The following ATP2C2 variants were observed in gnomAD, a reference collection of about 807,000 sequenced individuals.
The protein encoded by ATP2C2 is ATPase secretory pathway Ca2+ transporting 2, also known as calcium-transporting ATPase type 2C member 2.
A neutral mutation model predicts 110.8 loss-of-function variants in ATP2C2; 171 were observed. The ratio of observed to expected loss-of-function variants is 1.54; its 90% CI spans 1.36 to 1.75. The LOEUF is 1.75. Ranked by LOEUF, ATP2C2 falls within the 40% of genes most tolerant of loss-of-function variation. ATP2C2 has a pLI of 0.00. For missense variants in ATP2C2, 1,963 were observed against 1,235.0 expected (o/e 1.59, Z -8.84); for synonymous variants, 804 against 508.4 (o/e 1.58, Z -7.82).
At chr16:84,411,847 G>A (rs1041058745) in intron 6 of ATP2C2, among the ~76,000 whole-genome samples, 2 of 152,220 alleles carry the variant, frequency 1.3e-5, no homozygotes, top group Admixed American at 6.5e-5. Context: ...ATCTGCGGGG[G>A]CCCTTCTAGG....
chr16:84,418,659 G>A (rs1001839719), intron 7 of ATP2C2, among the ~76,000 whole-genome samples: 5 of 152,172 alleles, frequency 3.3e-5, no homozygotes, highest in Admixed American at 2.0e-4. Flanking sequence ...GGCAGTGGGC[G>A]GTGGAGGGGG....
At chr16:84,406,348 G>T (rs1216388755) in intron 3 of ATP2C2, among the ~76,000 whole-genome samples, 1 of 152,240 alleles carries the variant, frequency 6.6e-6, no homozygotes, top group Non-Finnish European at 1.5e-5. Flanking sequence ...TTTTCCAGGT[G>T]CCTGAGGGCA....
intron 6 of ATP2C2, among the ~76,000 whole-genome samples, chr16:84,413,234 G>T (rs1417857698): frequency 6.6e-6 from 1 of 152,150 alleles, no homozygotes; most frequent in Non-Finnish European, 1.5e-5. Context: ...ATAATTTTCA[G>T]GGAGAGCTTT....
At chr16:84,434,904 T>C (rs1157226056) in intron 11 of ATP2C2, among the ~76,000 whole-genome samples, 2 of 152,368 alleles carry the variant, frequency 1.3e-5, no homozygotes, top group East Asian at 1.9e-4. Flanking sequence ...CCCTGCCATA[T>C]GGGATGAAAG....
chr16:84,463,203 GAA>G (rs1229335587), intron 26 of ATP2C2, among the ~76,000 whole-genome samples: 1 of 17,382 alleles, frequency 5.8e-5, no homozygotes, highest in Non-Finnish European at 1.1e-4. Context: ...TCATCCCAGG[GAA>G]CATGTCGCTG....
intron 2 of ATP2C2, chr16:84,404,809 CTTTT>C (rs35653774): frequency 8.6e-4 from 237 of 274,640 alleles, no homozygotes; most frequent in Middle Eastern, 1.3e-3. Flanking sequence ...TTCCCAAGAC[CTTTT>C]TTTTTTTTTT....
rs531288452 is a variant in ATP2C2, at chr16:84,396,416, G to A, written c.100-2083G>A. Among the ~76,000 whole-genome samples the A allele has an allele frequency of 6.2e-4, 94 of 151,698 alleles. No individual in the cohort carries two copies. In the South Asian group the frequency reaches 8.6e-3, roughly 14 times the overall value. ...CAAAAACAAATTAGTGAGGCGTGGC[G>A]GTGCGTGCCTGTAGTCCCAGCTACT... On this transcript the variant is annotated intron_variant, in intron 1 of 26. Coordinates refer to ENST00000262429, the MANE Select transcript of ATP2C2 (RefSeq NM_014861.4).
intron 26 of ATP2C2, 71 bp downstream of exon 26, chr16:84,462,200 G>C: frequency 1.3e-6 from 2 of 1,562,806 alleles, no homozygotes; most frequent in South Asian, 2.4e-5. Flanking sequence ...GCCAGGTGGG[G>C]AGCTGCAGCC....
At chr16:84,429,524 G>T (rs8055364) in intron 11 of ATP2C2, among the ~76,000 whole-genome samples, 14,872 of 152,140 alleles carry the variant, frequency 0.098, 931 homozygotes, top group East Asian at 0.35. Context: ...TGATCTGTTC[G>T]TATCACTTTC....
chr16:84,370,535 A>T (rs1909892459), intron 1 of ATP2C2, among the ~76,000 whole-genome samples: 1 of 152,128 alleles, frequency 6.6e-6, no homozygotes, highest in African/African-American at 2.4e-5. Context: ...CGAGGCACTC[A>T]CTTCCTGCCA....
chr16:84,378,995 A>G (rs1255670890), intron 1 of ATP2C2, among the ~76,000 whole-genome samples: 2 of 151,704 alleles, frequency 1.3e-5, no homozygotes, highest in Non-Finnish European at 2.9e-5. Context: ...TTCAGGGTGC[A>G]GGGTACACAT....
In ATP2C2 at chr16:84,369,475, G is replaced by A. The variant is rs534019794; in HGVS notation, c.99+761G>A. Among the ~76,000 whole-genome samples, 105 of 151,740 alleles carry A rather than the reference G, an allele frequency of 6.9e-4. 1 individual carries two copies. Among genetic ancestry groups the A allele is most frequent in the Admixed American group, 6.7e-3 (102 of 15,232 alleles). On this transcript the variant is annotated intron_variant, in intron 1 of 26. Transcript: ENST00000262429. ...GGGGGCACTGAATTTCTGCAGAAGCGTTTCTCTGCACGCCAGAGGGTCGTT... is the reference window on the plus strand; with the variant it reads ...GGGGGCACTGAATTTCTGCAGAAGCATTTCTCTGCACGCCAGAGGGTCGTT...
chr16:84,398,051 G>A (rs1905098743), intron 1 of ATP2C2, among the ~76,000 whole-genome samples: 1 of 151,704 alleles, frequency 6.6e-6, no homozygotes, highest in South Asian at 2.1e-4. Context: ...TGGTTATAAG[G>A]GTTAGTTTGT....
intron 6 of ATP2C2, 106 bp from the exon 7 acceptor site, chr16:84,415,377 A>T (rs1906738527): frequency 3.2e-6 from 3 of 932,688 alleles, no homozygotes; most frequent in Non-Finnish European, 5.3e-6. Context: ...GTTGGTGTAT[A>T]TTAAAAGAGA....
Position 84,439,169 on chromosome 16 carries a change from G to C in ATP2C2, c.990G>C (p.Leu330=). 1.2e-6 allele frequency: 2 copies of C among 1,612,214 alleles called. No homozygotes were observed. The highest frequency in any genetic ancestry group is 1.1e-5 in the South Asian group (1 of 90,978). The change falls in exon 12 of 27, where the codon CTG becomes CTC. Residue 330 remains leucine (L), a synonymous_variant. Transcript: ENST00000262429. ...CTCATTTGACCTTTCGATCCAGCCT[G>C]GCTGTGGCGGCCATTCCAGAGGGTC... ...LLSMFTIGVS[L]AVAAIPEGLP...
chr16:84,459,351 G>T lies in ATP2C2; in HGVS notation c.2298G>T (p.Trp766Cys), dbSNP rs1460395250. 1.7e-5 allele frequency: 28 copies of T among 1,614,068 alleles called. No individual in the cohort carries two copies. Among genetic ancestry groups the T allele is most frequent in the Non-Finnish European group, 2.4e-5 (28 of 1,180,032 alleles). ...PSPLNAMQIL[W>C]INIIMDGPPA... The stretch of plus-strand genomic sequence containing the variant: ...CCCTCAACGCCATGCAGATCCTATG[G>T]ATCAACATCATCATGGATGGGCCAC... Residue 766 changes from tryptophan to cysteine, a missense_variant, in exon 23 of 27, where the codon TGG (tryptophan) becomes TGT (cysteine). Physicochemically the swap from Trp to Cys is radical, Grantham distance 215 (BLOSUM62 -2). Transcript: ENST00000262429.
rs1014460545 is a variant in ATP2C2 at position 84,463,865 on chromosome 16, G to C, written c.*133G>C. On this transcript the variant is annotated 3_prime_UTR_variant, in exon 27 of 27. Transcript: ENST00000262429. ...ATCACCGGATCAGTTTTTCCTCTTA[G>C]GAAAGCTGCAGGAACCTCGTGGGCT... 1 of 828,064 alleles carries C rather than the reference G, an allele frequency of 1.2e-6. No individual in the cohort carries two copies. The highest frequency in any genetic ancestry group is 1.9e-6 in the Non-Finnish European group (1 of 517,398). 51.3% of individuals were successfully genotyped at this position (828,064 alleles called of 1,614,324 possible). A position where few individuals can be genotyped will look rare whatever the true frequency, so the allele number is the denominator to read the frequency against.
At chr16:84,420,360 T>C (rs1907216963) in intron 7 of ATP2C2, among the ~76,000 whole-genome samples, 1 of 151,982 alleles carries the variant, frequency 6.6e-6, no homozygotes, top group Non-Finnish European at 1.5e-5. Flanking sequence ...AAACCCACAC[T>C]CACTCCCCAC....
chr16:84,385,358 C>T (rs1415385795), intron 1 of ATP2C2, among the ~76,000 whole-genome samples: 1 of 152,152 alleles, frequency 6.6e-6, no homozygotes, highest in Admixed American at 6.5e-5. Context: ...GATATCCTTC[C>T]CCATGATGCA....
Sources: gnomAD v4.1 joint callset for allele counts (sites outside exome capture counted in the v4.1 genomes callset) on GRCh38, gnomAD v4.1.1 for gene constraint, MANE v1.5 for transcripts, NCBI Gene and HGNC (gene_info 2026-07-23, HGNC 2026-07-21) for gene names.